ADARB2: variants seen among roughly 807,000 people sequenced by gnomAD.
ADARB2 encodes the protein inactive double-stranded RNA-specific editase B2.
Under a neutral mutation model 62.2 loss-of-function variants are expected in ADARB2, and 25 were observed. That is an observed-to-expected ratio of 0.40 (90% CI 0.29 to 0.56). The LOEUF is 0.56. Among genes scored for constraint, ADARB2 ranks in the 20% least tolerant of loss-of-function variants. ADARB2 has a pLI of 0.43. For missense variants in ADARB2, 1,071 were observed against 1,077.4 expected (o/e 0.99, Z 0.08); for synonymous variants, 572 against 500.8 (o/e 1.14, Z -1.90).
chr10:1,678,389 T>G, intron 1 of ADARB2: 1 of 962,460 alleles, frequency 1.0e-6, no homozygotes, highest in South Asian at 4.8e-5. Context: ...TCGGGCTGAG[T>G]GTCCTTGGGG....
chr10:1,436,657 C>T (rs1830838058), intron 1 of ADARB2, among the ~76,000 whole-genome samples: 1 of 152,226 alleles, frequency 6.6e-6, no homozygotes, highest in African/African-American at 2.4e-5. Flanking sequence ...CACACAGATA[C>T]ATCTCAATTT....
At chr10:1,652,067 ACTGTATTC>A in intron 1 of ADARB2, among the ~76,000 whole-genome samples, 1 of 152,330 alleles carries the variant, frequency 6.6e-6, no homozygotes, top group South Asian at 2.1e-4. Context: ...GATTATGGTC[ACTGTATTC>A]CAGTAATTTG....
At chr10:1,467,908 C>G (rs960517953) in intron 1 of ADARB2, among the ~76,000 whole-genome samples, 50 of 152,116 alleles carry the variant, frequency 3.3e-4, no homozygotes, top group Non-Finnish European at 8.8e-5. Flanking sequence ...ACATTGAGGA[C>G]CCGTAATTTA....
In ADARB2 at chr10:1,338,690, G is replaced by C. The variant is rs148831685; in HGVS notation, c.1077+24338C>G. On this transcript the variant is annotated intron_variant, in intron 3 of 9. Transcript: ENST00000381312. ...TGGCTCCTACGTGGGCCAGCTCACA[G>C]CCCCAGCCTTAGGTCACCCCCCGAC... is the stretch of plus-strand genomic sequence containing the variant. Among the ~76,000 whole-genome samples, 37 of 152,328 alleles carry C rather than the reference G, an allele frequency of 2.4e-4. 1 individual carries two copies. In the East Asian group the frequency reaches 7.1e-3, roughly 29 times the overall value.
chr10:1,342,781 G>A (rs1832042479), intron 3 of ADARB2, among the ~76,000 whole-genome samples: 1 of 152,208 alleles, frequency 6.6e-6, no homozygotes, highest in Admixed American at 6.5e-5. Context: ...GAGGTCTTTT[G>A]CTGTGATCAG....
chr10:1,500,030 A>C (rs1004127021), intron 1 of ADARB2, among the ~76,000 whole-genome samples: 2 of 152,262 alleles, frequency 1.3e-5, no homozygotes, highest in Non-Finnish European at 2.9e-5. Flanking sequence ...GTTGCATATG[A>C]ACTGCACAAC....
intron 8 of ADARB2, among the ~76,000 whole-genome samples, chr10:1,197,134 C>T (rs942522890): frequency 2.0e-5 from 3 of 152,226 alleles, no homozygotes; most frequent in Non-Finnish European, 4.4e-5. Context: ...CACTTACCAT[C>T]TGGATAAAAT....
Position 1,491,686 on chromosome 10 carries a change from A to G in ADARB2, c.101-112526T>C, listed in dbSNP as rs1831624094. On this transcript the variant is annotated intron_variant, in intron 1 of 9. Coordinates refer to ENST00000381312, the MANE Select transcript of ADARB2 (RefSeq NM_018702.4). ...CTAGACTTGACAATGAGCCTGCCATAACCTACCTTTCTTTATGTTTTTGTG... is the reference window on the plus strand; with the variant it reads ...CTAGACTTGACAATGAGCCTGCCATGACCTACCTTTCTTTATGTTTTTGTG... Among the ~76,000 whole-genome samples, 4 of 152,228 alleles carry G rather than the reference A, an allele frequency of 2.6e-5. No homozygotes were observed. The South Asian group carries it at 8.3e-4, about 32-fold the overall frequency.
chr10:1,663,119 A>C (rs956885732), intron 1 of ADARB2, among the ~76,000 whole-genome samples: 3 of 152,238 alleles, frequency 2.0e-5, no homozygotes, highest in African/African-American at 7.2e-5. Context: ...GTGTGCAATT[A>C]AAGTATTTTA....
At chr10:1,411,187 G>A (rs1037601613) in intron 1 of ADARB2, among the ~76,000 whole-genome samples, 3 of 152,164 alleles carry the variant, frequency 2.0e-5, no homozygotes, top group Non-Finnish European at 4.4e-5. Context: ...AGCCTCCGTG[G>A]GCCTAGAGAA....
At chr10:1,530,874 TCAGCACC>T (rs1245299378) in intron 1 of ADARB2, among the ~76,000 whole-genome samples, 1 of 151,050 alleles carries the variant, frequency 6.6e-6, no homozygotes, top group South Asian at 2.2e-4. Context: ...GTCTCAGCAC[TCAGCACC>T]CAGCACTCAG....
In ADARB2 at chr10:1,589,508, G is replaced by A. The variant is rs185774395; in HGVS notation, c.100+147543C>T. On this transcript the variant is annotated intron_variant, in intron 1 of 9. Transcript: ENST00000381312. ...ATCCATGGTCAGGACATCCACGGTC[G>A]GGGCGTCCATGGTCCAGGCGTCCAC... 4.0e-3 allele frequency among the ~76,000 whole-genome samples: 604 copies of A among 152,078 alleles called. 6 individuals carry two copies. The highest frequency in any genetic ancestry group is 0.014 in the African/African-American group (564 of 41,464).
intron 1 of ADARB2, among the ~76,000 whole-genome samples, chr10:1,565,772 A>T (rs1233521829): frequency 1.3e-5 from 2 of 152,110 alleles, no homozygotes; most frequent in Non-Finnish European, 2.9e-5. Flanking sequence ...AGTATTAGGA[A>T]TGAGTATTTT....
chr10:1,424,178 A>G (rs570795352), intron 1 of ADARB2, among the ~76,000 whole-genome samples: 2 of 152,356 alleles, frequency 1.3e-5, no homozygotes, highest in Admixed American at 1.3e-4. Flanking sequence ...TCCACTATGT[A>G]TGCAGTAGGT....
chr10:1,614,922 A>T (rs1366637034), intron 1 of ADARB2, among the ~76,000 whole-genome samples: 1 of 151,990 alleles, frequency 6.6e-6, no homozygotes, highest in Non-Finnish European at 1.5e-5. Context: ...AAAAAAAATA[A>T]TAAAATGCCC....
At chr10:1,683,711 C>T (rs1041665572) in intron 1 of ADARB2, among the ~76,000 whole-genome samples, 1 of 152,046 alleles carries the variant, frequency 6.6e-6, no homozygotes, top group Non-Finnish European at 1.5e-5. Flanking sequence ...TTTTGAGATA[C>T]CAAGATGGAT....
intron 1 of ADARB2, among the ~76,000 whole-genome samples, chr10:1,536,964 G>A (rs932203232): frequency 3.9e-5 from 6 of 152,168 alleles, no homozygotes; most frequent in Non-Finnish European, 7.3e-5. Context: ...TGATAAATGG[G>A]ATTGAATTAA....
intron 1 of ADARB2, among the ~76,000 whole-genome samples, chr10:1,516,669 C>T (rs1832013010): frequency 6.6e-6 from 1 of 152,186 alleles, no homozygotes; most frequent in Non-Finnish European, 1.5e-5. Context: ...ACATTTTCCT[C>T]GAGCTGCATG....
At chr10:1,688,465 C>A (rs1834625310) in intron 1 of ADARB2, among the ~76,000 whole-genome samples, 1 of 152,232 alleles carries the variant, frequency 6.6e-6, no homozygotes, top group African/African-American at 2.4e-5. Flanking sequence ...TTCCCCCAGA[C>A]AACACTCAGG....
Sources: gnomAD v4.1 joint callset for allele counts (sites outside exome capture counted in the v4.1 genomes callset) on GRCh38, gnomAD v4.1.1 for gene constraint, MANE v1.5 for transcripts, NCBI Gene and HGNC (gene_info 2026-07-23, HGNC 2026-07-21) for gene names.